The following SIRPG variants were observed in gnomAD, a reference collection of about 807,000 sequenced individuals.
The protein encoded by SIRPG is signal-regulatory protein gamma.
Under a neutral mutation model 35.7 loss-of-function variants are expected in SIRPG, and 38 were observed. That is an observed-to-expected ratio of 1.06 (90% confidence interval 0.82 to 1.40). SIRPG has a LOEUF of 1.40. Among genes scored for constraint, SIRPG ranks in the 40% most tolerant of loss-of-function variants. The pLI, the probability that SIRPG is intolerant of heterozygous loss-of-function variation, is 0.00. For synonymous variants in SIRPG, 215 were observed against 190.4 expected, an observed-to-expected ratio of 1.13 and a Z score of -1.06; for missense variants, 519 against 483.0, an observed-to-expected ratio of 1.07 and a Z score of -0.70.
Position 1,655,381 on chromosome 20 carries a change from T to G in SIRPG, c.73+2261A>C, listed in dbSNP as rs546653517. On this transcript the variant is annotated intron_variant, in intron 1 of 5. Coordinates refer to ENST00000303415, the MANE Select transcript of SIRPG (RefSeq NM_018556.4). Reference sequence around the variant, plus strand: ...GGAAACCCTGTCATTTGCAACAACATGGATGAACCTGGAGGACATTCTGCT... The same window carrying G: ...GGAAACCCTGTCATTTGCAACAACAGGGATGAACCTGGAGGACATTCTGCT... Among the ~76,000 whole-genome samples the G allele has an allele frequency of 3.3e-5, 5 of 152,276 alleles. No individual in the cohort carries two copies. In the East Asian group the frequency reaches 9.6e-4, roughly 29 times the overall value.
At chr20:1,641,548 A>G (rs1600208866) in intron 2 of SIRPG, among the ~76,000 whole-genome samples, 1 of 152,148 alleles carries the variant, frequency 6.6e-6, no homozygotes, top group Non-Finnish European at 1.5e-5. Context: ...TCTTCAAAAA[A>G]CCAGCTTCTG....
chr20:1,662,084 G>A (rs1041398221), upstream of SIRPG, among the ~76,000 whole-genome samples: 1 of 152,200 alleles, frequency 6.6e-6, no homozygotes, highest in African/African-American at 2.4e-5. Context: ...AACCAGCTGA[G>A]CAAATCAAAA....
At chr20:1,678,142 T>C in the SIRPG span, among the ~76,000 whole-genome samples, 1 of 152,204 alleles carries the variant, frequency 6.6e-6, no homozygotes, top group Non-Finnish European at 1.5e-5. Context: ...TTTCTCATAG[T>C]TACGTCTTCC....
At chr20:1,629,690 T>A (rs1315709181) in intron 5 of SIRPG, 54 bp from the exon 6 acceptor site, 1 of 153,668 alleles carries the variant, frequency 6.5e-6, no homozygotes, top group Non-Finnish European at 1.4e-5. Context: ...AAGACATGTT[T>A]CCTGAGAGTC....
the SIRPG span, chr20:1,666,451 G>A: frequency 6.6e-6 from 1 of 152,242 alleles, no homozygotes; most frequent in Non-Finnish European, 1.5e-5. Context: ...GATTGAGTGT[G>A]TGCACTAAGT....
intron 2 of SIRPG, among the ~76,000 whole-genome samples, chr20:1,640,699 G>T (rs950740285): frequency 6.6e-6 from 1 of 152,106 alleles, no homozygotes; most frequent in Non-Finnish European, 1.5e-5. Context: ...TTTTCAAGGG[G>T]AATGTTTCCA....
chr20:1,668,203 C>A, the SIRPG span, among the ~76,000 whole-genome samples: 1 of 25,004 alleles, frequency 4.0e-5, no homozygotes, highest in Non-Finnish European at 8.6e-5. Context: ...CTTTTCTTTT[C>A]TTTCTTTCTT....
chr20:1,667,901 C>T, the SIRPG span, among the ~76,000 whole-genome samples: 9 of 152,182 alleles, frequency 5.9e-5, no homozygotes, highest in South Asian at 4.1e-4. Context: ...AATGCCAATG[C>T]TGAGTCTTAT....
At chr20:1,657,921 T>C, upstream of SIRPG, 1 of 523,024 alleles carries the variant, frequency 1.9e-6, no homozygotes, top group Non-Finnish European at 3.3e-6. Context: ...CGTGCTCCAT[T>C]TTCAGGATAA....
chr20:1,629,482 G>T lies in SIRPG; in HGVS notation c.*157C>A, dbSNP rs1162609662. On this transcript the variant is annotated 3_prime_UTR_variant, in exon 6 of 6. Transcript: ENST00000303415. ...CCAGGTCTGTGTGAAGGAGCAACAG[G>T]AGCCTGTGGGCAGGCAGATGTCTTG... The T allele has an allele frequency of 6.6e-6, 1 of 152,392 alleles. No individual in the cohort carries two copies. The highest frequency in any genetic ancestry group is 1.5e-5 in the Non-Finnish European group (1 of 68,218). 9.4% of individuals were successfully genotyped at this position (152,392 alleles called of 1,614,324 possible).
chr20:1,641,342 G>T (rs2091850589), intron 2 of SIRPG, among the ~76,000 whole-genome samples: 1 of 152,118 alleles, frequency 6.6e-6, no homozygotes, highest in Admixed American at 6.5e-5. Context: ...TCTTGGGAGG[G>T]TGTATGTGTA....
chr20:1,650,408 A>G, intron 1 of SIRPG, among the ~76,000 whole-genome samples: 1 of 152,232 alleles, frequency 6.6e-6, no homozygotes, highest in East Asian at 1.9e-4. Context: ...AGAATGAGAA[A>G]TTATAAAAAG....
chr20:1,654,854 T>C (rs1349083138), intron 1 of SIRPG, among the ~76,000 whole-genome samples: 2 of 152,090 alleles, frequency 1.3e-5, no homozygotes, highest in African/African-American at 4.8e-5. Context: ...AACAACCCTA[T>C]TAAAATATGG....
At chr20:1,632,691 G>A (rs1180080174) in intron 4 of SIRPG, among the ~76,000 whole-genome samples, 1 of 152,088 alleles carries the variant, frequency 6.6e-6, no homozygotes, top group African/African-American at 2.4e-5. Flanking sequence ...AAGGGAGACT[G>A]ACTAGGGGCC....
chr20:1,674,217 ATT>A, the SIRPG span, among the ~76,000 whole-genome samples: 428 of 149,836 alleles, frequency 2.9e-3, 2 homozygotes, highest in African/African-American at 0.01. Flanking sequence ...CTGGATTTAA[ATT>A]TTTTTTTTTC....
chr20:1,663,589 T>C, the SIRPG span, among the ~76,000 whole-genome samples: 1 of 152,254 alleles, frequency 6.6e-6, no homozygotes, highest in African/African-American at 2.4e-5. Flanking sequence ...ACTATCAAAA[T>C]TGACAAGCGC....
chr20:1,678,555 GATAAT>G, the SIRPG span, among the ~76,000 whole-genome samples: 1 of 152,068 alleles, frequency 6.6e-6, no homozygotes, highest in South Asian at 2.1e-4. Context: ...AAAAATGAAA[GATAAT>G]AGAATCTAAG....
the SIRPG span, among the ~76,000 whole-genome samples, chr20:1,663,688 T>C: frequency 1.4e-4 from 22 of 152,352 alleles, no homozygotes; most frequent in African/African-American, 4.6e-4. Flanking sequence ...GAAGGCATAA[T>C]TGAATGTTGC....
At chr20:1,671,961 G>A in the SIRPG span, among the ~76,000 whole-genome samples, 1 of 152,236 alleles carries the variant, frequency 6.6e-6, no homozygotes, top group Non-Finnish European at 1.5e-5. Context: ...ACAGTCTGCA[G>A]AGATTTTGTT....
Sources: allele counts gnomAD v4.1 joint callset (sites outside exome capture counted in the v4.1 genomes callset), GRCh38; gene constraint gnomAD v4.1.1; transcripts MANE v1.5; gene names NCBI Gene and HGNC (gene_info 2026-07-23, HGNC 2026-07-21).